CDH12: variants seen among roughly 807,000 people sequenced by gnomAD.
CDH12 encodes cadherin 12, also known as cadherin-12.
A neutral mutation model predicts 74.1 loss-of-function variants in CDH12; 41 were observed. The observed-to-expected ratio is 0.55, with a 90% CI of 0.43 to 0.72. The LOEUF is 0.72. Among genes scored for constraint, CDH12 ranks in the 30% least tolerant of loss-of-function variants. The pLI is 0.00. For synonymous variants in CDH12, 399 were observed against 355.0 expected (o/e 1.12, Z -1.39); for missense variants, 945 against 977.2 (o/e 0.97, Z 0.44).
chr5:22,308,422 A>G (rs1465314879), intron 3 of CDH12, among the ~76,000 whole-genome samples: 2 of 152,134 alleles, frequency 1.3e-5, no homozygotes, highest in Non-Finnish European at 2.9e-5. Context: ...TTGACCATGT[A>G]TGACTGGGAT....
At chr5:21,883,911 G>T in intron 6 of CDH12, 1 of 1,606,446 alleles carries the variant, frequency 6.2e-7, no homozygotes, top group East Asian at 2.2e-5. Flanking sequence ...TTTGGGAGGG[G>T]GTTTTGCCCT....
intron 4 of CDH12, among the ~76,000 whole-genome samples, chr5:22,211,301 AAATT>A (rs1336701990): frequency 6.6e-6 from 1 of 152,158 alleles, no homozygotes; most frequent in East Asian, 1.9e-4. Flanking sequence ...TTAACAATAG[AAATT>A]AATTGTTAAA....
chr5:22,457,297 C>G lies in CDH12; in HGVS notation c.-428+47973G>C, dbSNP rs555195405. Among the ~76,000 whole-genome samples the G allele has an allele frequency of 1.5e-3, 235 of 152,200 alleles. 1 individual carries two copies. Among genetic ancestry groups the G allele is most frequent in the Non-Finnish European group, 3.0e-3 (207 of 68,002 alleles). On this transcript the variant is annotated intron_variant, in intron 2 of 14. Coordinates refer to ENST00000382254, the MANE Select transcript of CDH12 (RefSeq NM_004061.5). ...GTTCTGGAAGGTAGAAGTCTGAAAT[C>G]AAGGTGTCAGGTGGGCCATGCTCCC...
rs115377600 is a variant in CDH12 at position 22,093,608 on chromosome 5, G to A, written c.-186-14746C>T. On this transcript the variant is annotated intron_variant, in intron 4 of 14. Coordinates refer to ENST00000382254, the MANE Select transcript of CDH12 (RefSeq NM_004061.5). The stretch of plus-strand genomic sequence containing the variant: ...GGAAATTAATTGTTGTTTAGGGACT[G>A]TATTTTGGGTATGACCTGGAGAATG... Among the ~76,000 whole-genome samples, 1,105 of 152,298 alleles carry A rather than the reference G, an allele frequency of 7.3e-3. 12 individuals carry two copies. The highest frequency in any genetic ancestry group is 0.026 in the African/African-American group (1,060 of 41,562).
intron 6 of CDH12, among the ~76,000 whole-genome samples, chr5:21,906,760 G>A (rs1344274774): frequency 6.6e-6 from 1 of 152,194 alleles, no homozygotes; most frequent in Non-Finnish European, 1.5e-5. Context: ...GCTACAGTCA[G>A]TTTTCTGATA....
chr5:22,061,087 A>C (rs1199911455), intron 5 of CDH12, among the ~76,000 whole-genome samples: 1 of 152,212 alleles, frequency 6.6e-6, no homozygotes, highest in African/African-American at 2.4e-5. Flanking sequence ...TTGACATAAA[A>C]CAACAAAATG....
intron 5 of CDH12, among the ~76,000 whole-genome samples, chr5:21,986,428 A>C (rs760532835): frequency 3.3e-5 from 5 of 152,186 alleles, no homozygotes; most frequent in African/African-American, 4.8e-5. Context: ...CTCTCATTTC[A>C]AAGTGTCACA....
At chr5:22,826,359 C>A (rs1736321970) in intron 1 of CDH12, among the ~76,000 whole-genome samples, 2 of 152,104 alleles carry the variant, frequency 1.3e-5, no homozygotes, top group Non-Finnish European at 2.9e-5. Context: ...AAGCTCTTTC[C>A]TTTGTAAATG....
chr5:21,991,528 AGG>A (rs1757751275), intron 5 of CDH12, among the ~76,000 whole-genome samples: 3 of 145,338 alleles, frequency 2.1e-5, no homozygotes, highest in Admixed American at 7.0e-5. Flanking sequence ...TTATATATAT[AGG>A]TTATATATAA....
intron 9 of CDH12, among the ~76,000 whole-genome samples, chr5:21,807,005 A>T (rs1181592339): frequency 3.3e-5 from 5 of 152,188 alleles, no homozygotes; most frequent in Non-Finnish European, 7.3e-5. Flanking sequence ...AAACATAGGT[A>T]GTTTCTATAG....
chr5:22,331,171 C>A (rs538183915), intron 3 of CDH12, among the ~76,000 whole-genome samples: 4 of 152,296 alleles, frequency 2.6e-5, no homozygotes, highest in Admixed American at 6.5e-5. Context: ...AAGTTGCTTT[C>A]TTTTTACTTT....
At chr5:22,071,516 T>G (rs142153724) in intron 5 of CDH12, among the ~76,000 whole-genome samples, 2 of 152,244 alleles carry the variant, frequency 1.3e-5, no homozygotes, top group Admixed American at 1.3e-4. Context: ...TTCTTAAAAC[T>G]TTTTCCTGGT....
At chr5:22,598,016 T>C (rs144541103) in intron 1 of CDH12, among the ~76,000 whole-genome samples, 259 of 152,300 alleles carry the variant, frequency 1.7e-3, no homozygotes, top group African/African-American at 6.0e-3. Context: ...CTACTCCCAA[T>C]CAGTTGACTC....
chr5:22,632,104 G>A (rs268985), intron 1 of CDH12, among the ~76,000 whole-genome samples: 84,388 of 151,758 alleles, frequency 0.56, 23,794 homozygotes, highest in East Asian at 0.68. Flanking sequence ...AAAACTACCT[G>A]TTGGGAGTGT....
intron 1 of CDH12, among the ~76,000 whole-genome samples, chr5:22,632,392 G>T (rs1738631990): frequency 6.6e-6 from 1 of 151,804 alleles, no homozygotes; most frequent in Non-Finnish European, 1.5e-5. Context: ...AAAAAGAACT[G>T]AAAAATTGTT....
At chr5:22,409,179 G>A (rs1040134275) in intron 2 of CDH12, among the ~76,000 whole-genome samples, 2 of 151,888 alleles carry the variant, frequency 1.3e-5, no homozygotes, top group Admixed American at 6.6e-5. Context: ...TAGCACTCTC[G>A]TCTTGATATT....
chr5:21,882,839 A>C (rs1311400996), intron 6 of CDH12: 1 of 1,563,650 alleles, frequency 6.4e-7, no homozygotes. Flanking sequence ...TTGCAAAGTC[A>C]ATTGACTTGA....
At chr5:22,836,223 C>CTTTTTTTTTTTTTTTT (rs61616737) in intron 1 of CDH12, among the ~76,000 whole-genome samples, 846 of 65,492 alleles carry the variant, frequency 0.013, 151 homozygotes, top group Non-Finnish European at 0.016. Context: ...CTTTCTTTCT[C>CTTTTTTTTTTTTTTTT]TTTTTTTTTT....
chr5:22,476,312 T>G (rs1044480437), intron 2 of CDH12, among the ~76,000 whole-genome samples: 2 of 152,108 alleles, frequency 1.3e-5, no homozygotes, highest in East Asian at 3.8e-4. Context: ...TAAGATAAGT[T>G]AAGGAATTAA....
Sources: allele counts gnomAD v4.1 joint callset (sites outside exome capture counted in the v4.1 genomes callset), GRCh38; gene constraint gnomAD v4.1.1; transcripts MANE v1.5; gene names NCBI Gene and HGNC (gene_info 2026-07-23, HGNC 2026-07-21).